The following PLA2G2D variants were observed in gnomAD, a reference collection of about 807,000 sequenced individuals.
PLA2G2D encodes the protein phospholipase A2 group IID, also known as group IID secretory phospholipase A2.
Under a neutral mutation model 13.9 loss-of-function variants are expected in PLA2G2D, and 17 were observed. That is an observed-to-expected ratio of 1.23 (90% CI 0.84 to 1.84). The LOEUF is 1.84. PLA2G2D is among the 40% of genes most tolerant of loss of function. The probability of loss-of-function intolerance (pLI) is 0.00; values close to 1 mark genes in which losing one functional copy is unlikely to be tolerated. For missense variants in PLA2G2D, 194 were observed against 178.7 expected (o/e 1.09, Z -0.49); for synonymous variants, 83 against 69.3 (o/e 1.20, Z -0.98).
At chr1:20,116,310 G>T in intron 2 of PLA2G2D, 23 bp downstream of exon 2, 1 of 1,612,474 alleles carries the variant, frequency 6.2e-7, no homozygotes, top group Non-Finnish European at 8.5e-7. Flanking sequence ...GTATAGGATT[G>T]CCAGCCCTGA....
In PLA2G2D at chr1:20,116,479, T is replaced by C. The variant is rs2016993346; in HGVS notation, c.41-2A>G. The stretch of plus-strand genomic sequence containing the variant: ...TCCCGCCCTGGATTGGAATCACACC[T>C]GCCAAGCAGCCCAGCAACCAGGAGA... On this transcript the variant is annotated splice_acceptor_variant, in intron 1 of 3. Transcript: ENST00000375105. LOFTEE classifies it high-confidence loss of function. The C allele has an allele frequency of 1.2e-6, 2 of 1,613,962 alleles. No individual in the cohort carries two copies. The highest frequency in any genetic ancestry group is 1.7e-5 in the Admixed American group (1 of 59,986).
rs952961381 is a variant in PLA2G2D at position 20,116,569 on chromosome 1, C to T, written c.41-92G>A. The T allele has an allele frequency of 1.3e-5, 15 of 1,114,344 alleles. No individual in the cohort carries two copies. In the East Asian group the frequency reaches 2.6e-4, roughly 20 times the overall value. The allele number at this position is 1,114,344 out of a possible 1,614,324, so 69.0% of individuals were successfully genotyped here. On this transcript the variant is annotated intron_variant, in intron 1 of 3. Coordinates refer to ENST00000375105, the MANE Select transcript of PLA2G2D (RefSeq NM_012400.4). ...GGACGGCACCTCTGCTCTGCCCAGA[C>T]CAAATGAGTGACCTCAGATGATGAT...
At chr1:20,119,130 C>T (rs879573755) in intron 1 of PLA2G2D, among the ~76,000 whole-genome samples, 5 of 152,160 alleles carry the variant, frequency 3.3e-5, no homozygotes, top group Non-Finnish European at 5.9e-5. Flanking sequence ...TGCTCCTATT[C>T]AGTGGGAGAG....
intron 3 of PLA2G2D, among the ~76,000 whole-genome samples, chr1:20,114,618 A>G (rs1310118685): frequency 6.6e-6 from 1 of 152,172 alleles, no homozygotes; most frequent in Non-Finnish European, 1.5e-5. Flanking sequence ...GAGATCAGAA[A>G]ACAGGGTGGA....
chr1:20,114,759 C>T (rs1010408679), intron 3 of PLA2G2D, among the ~76,000 whole-genome samples: 2 of 151,990 alleles, frequency 1.3e-5, no homozygotes, highest in African/African-American at 2.4e-5. Context: ...ATCCATGAAG[C>T]GGGGATAATG....
chr1:20,117,613 G>A (rs1157025748), intron 1 of PLA2G2D, among the ~76,000 whole-genome samples: 1 of 152,166 alleles, frequency 6.6e-6, no homozygotes, highest in African/African-American at 2.4e-5. Context: ...CAAGTGGGAG[G>A]TTGGGAGAAA....
At chr1:20,118,149 G>A (rs1475695964) in intron 1 of PLA2G2D, among the ~76,000 whole-genome samples, 1 of 152,160 alleles carries the variant, frequency 6.6e-6, no homozygotes, top group African/African-American at 2.4e-5. Flanking sequence ...AGTCCACCTT[G>A]CAGATCAACC....
chr1:20,114,301 G>A (rs773163963), intron 3 of PLA2G2D, 42 bp from the exon 4 acceptor site: 40 of 1,589,636 alleles, frequency 2.5e-5, no homozygotes, highest in South Asian at 6.8e-5. Flanking sequence ...GTCCTTTTCC[G>A]AGACAGAGGC....
Position 20,114,249 on chromosome 1 carries a change from T to C in PLA2G2D, c.303A>G (p.Gly101=). The change falls in exon 4 of 4, where the codon GGA becomes GGG. Residue 101 remains glycine (G), a synonymous_variant. Transcript: ENST00000375105. ...SQGNIHCSDK[G]SWCEQQLCAC... ...CACACAGCTGCTGCTCACACCAGCTTCCCTTGTCAGCTGTGGACGGAGAAG... is the reference window on the plus strand; with the variant it reads ...CACACAGCTGCTGCTCACACCAGCTCCCCTTGTCAGCTGTGGACGGAGAAG... 1 of 1,613,596 alleles carries C rather than the reference T, an allele frequency of 6.2e-7. No individual in the cohort carries two copies. Among genetic ancestry groups the C allele is most frequent in the Non-Finnish European group, 8.5e-7 (1 of 1,179,682 alleles).
chr1:20,116,116 T>C (rs1341036120), intron 2 of PLA2G2D, among the ~76,000 whole-genome samples: 1 of 151,648 alleles, frequency 6.6e-6, no homozygotes, highest in Admixed American at 6.6e-5. Flanking sequence ...GGGATGGGAG[T>C]GCAAGGGGGC....
rs767280525 is a variant in PLA2G2D, at chr1:20,113,608, T to C, written c.*506A>G. 6.6e-6 allele frequency: 1 copy of C among 151,888 alleles called. No homozygotes were observed. The highest frequency in any genetic ancestry group is 6.6e-5 in the Admixed American group (1 of 15,234). The allele number at this position is 151,888 out of a possible 1,614,324, so 9.4% of individuals were successfully genotyped here. On this transcript the variant is annotated 3_prime_UTR_variant, in exon 4 of 4. Transcript: ENST00000375105. ...CTCCACCTGCAGGGACTTCAGAGCT[T>C]GCCTGGGGAGAGGGTCACATGGCCA...
chr1:20,113,384 AGC>A lies in PLA2G2D; in HGVS notation c.*728_*729del, dbSNP rs1157081252. On this transcript the variant is annotated 3_prime_UTR_variant, in exon 4 of 4. Coordinates refer to ENST00000375105, the MANE Select transcript of PLA2G2D (RefSeq NM_012400.4). ...GGGGATCAGTCGTGATGAAAGTAAT[AGC>A]CATTCAGTAGCCCCTTGTAATTCAC... The A allele has an allele frequency of 2.6e-5, 4 of 152,154 alleles. No homozygotes were observed. Among genetic ancestry groups the A allele is most frequent in the African/African-American group, 7.2e-5 (3 of 41,388 alleles). The allele number at this position is 152,154 out of a possible 1,614,324, so 9.4% of individuals were successfully genotyped here. A position where few individuals can be genotyped will look rare whatever the true frequency, so the allele number is the denominator to read the frequency against.
chr1:20,117,593 T>G (rs1266281398), intron 1 of PLA2G2D, among the ~76,000 whole-genome samples: 2 of 152,120 alleles, frequency 1.3e-5, no homozygotes, highest in Non-Finnish European at 2.9e-5. Flanking sequence ...ATATATTAAG[T>G]CCATGAATTC....
At position 20,113,769 on chromosome 1, in the gene PLA2G2D, C is replaced by T. The variant is rs1005822676; in HGVS notation, c.*345G>A. ...ATAGTGGCTGCTGCGGTTGTAGCTCCGAGACTATATTGGAGGGGGTGAGGA... is the reference window on the plus strand; with the variant it reads ...ATAGTGGCTGCTGCGGTTGTAGCTCTGAGACTATATTGGAGGGGGTGAGGA... On this transcript the variant is annotated 3_prime_UTR_variant, in exon 4 of 4. Transcript: ENST00000375105. 2.0e-5 allele frequency: 5 copies of T among 247,134 alleles called. No individual in the cohort carries two copies. Among genetic ancestry groups the T allele is most frequent in the African/African-American group, 2.2e-5 (1 of 44,736 alleles). 15.3% of individuals were successfully genotyped at this position (247,134 alleles called of 1,614,324 possible).
chr1:20,115,930 G>C (rs1018891031), intron 2 of PLA2G2D, among the ~76,000 whole-genome samples: 2 of 152,208 alleles, frequency 1.3e-5, no homozygotes, highest in Non-Finnish European at 2.9e-5. Flanking sequence ...CAGCCTGTAA[G>C]TGGCAGATCG....
chr1:20,112,955 G>C lies in PLA2G2D; in HGVS notation c.*1159C>G, dbSNP rs1268875734. ...TCCCACTAGACCAGGGCAGTATTTA[G>C]GGGAAGGAGGCAGATTGGAGCAGTT... On this transcript the variant is annotated 3_prime_UTR_variant, in exon 4 of 4. Transcript: ENST00000375105. The C allele has an allele frequency of 6.6e-6, 1 of 152,288 alleles. No homozygotes were observed. The highest frequency in any genetic ancestry group is 2.1e-4 in the South Asian group (1 of 4,828). 9.4% of individuals were successfully genotyped at this position (152,288 alleles called of 1,614,324 possible). A position where few individuals can be genotyped will look rare whatever the true frequency, so the allele number is the denominator to read the frequency against.
chr1:20,113,993 C>A lies in PLA2G2D; in HGVS notation c.*121G>T. The A allele has an allele frequency of 1.2e-6, 1 of 839,524 alleles. No homozygotes were observed. Among genetic ancestry groups the A allele is most frequent in the East Asian group, 2.6e-5 (1 of 38,440 alleles). The allele number at this position is 839,524 out of a possible 1,614,324, so 52.0% of individuals were successfully genotyped here. On this transcript the variant is annotated 3_prime_UTR_variant, in exon 4 of 4. Coordinates refer to ENST00000375105, the MANE Select transcript of PLA2G2D (RefSeq NM_012400.4). The stretch of plus-strand genomic sequence containing the variant: ...GGTCAGAAGGCATTGGTAGAGGGTT[C>A]CGGGGGAGGCTGGGACTACCTCCCC...
At chr1:20,114,756 A>C (rs892083153) in intron 3 of PLA2G2D, among the ~76,000 whole-genome samples, 1 of 152,124 alleles carries the variant, frequency 6.6e-6, no homozygotes, top group Non-Finnish European at 1.5e-5. Flanking sequence ...ATTATCCATG[A>C]AGCGGGGATA....
chr1:20,116,498 C>T, intron 1 of PLA2G2D, 21 bp from the exon 2 acceptor site: 1 of 1,614,014 alleles, frequency 6.2e-7, no homozygotes, highest in Non-Finnish European at 8.5e-7. Context: ...GCCCAGCAAC[C>T]AGGAGAGAAG....
Sources: gnomAD v4.1 joint callset for allele counts (sites outside exome capture counted in the v4.1 genomes callset) on GRCh38, gnomAD v4.1.1 for gene constraint, MANE v1.5 for transcripts, NCBI Gene and HGNC (gene_info 2026-07-23, HGNC 2026-07-21) for gene names.